The following FRMD3 variants were observed in gnomAD, a reference collection of about 807,000 sequenced individuals.
The protein encoded by FRMD3 is FERM domain-containing protein 3.
Under a neutral mutation model 70.2 loss-of-function variants are expected in FRMD3, and 33 were observed. The ratio of observed to expected loss-of-function variants is 0.47; its 90% CI spans 0.36 to 0.63. The LOEUF (loss-of-function observed/expected upper bound fraction) is 0.63, where lower values mean the gene tolerates loss of function less well. Among genes scored for constraint, FRMD3 ranks in the 20% least tolerant of loss-of-function variants. The pLI is 0.00. For missense variants in FRMD3, 632 were observed against 711.4 expected, an observed-to-expected ratio of 0.89 and a Z score of 1.27; for synonymous variants, 279 against 255.9, an observed-to-expected ratio of 1.09 and a Z score of -0.86.
chr9:83,352,805 T>C (rs980142736), intron 3 of FRMD3, among the ~76,000 whole-genome samples: 1 of 152,192 alleles, frequency 6.6e-6, no homozygotes, highest in African/African-American at 2.4e-5. Context: ...TCGTCTCCTG[T>C]CAATGGTCTC....
In FRMD3 at chr9:83,401,192, A is replaced by C. The variant is rs147146998; in HGVS notation, c.148-11484T>G. Among the ~76,000 whole-genome samples, 5 of 152,332 alleles carry C rather than the reference A, an allele frequency of 3.3e-5. No individual in the cohort carries two copies. The East Asian group carries it at 9.6e-4, about 29-fold the overall frequency. On this transcript the variant is annotated intron_variant, in intron 1 of 13. Transcript: ENST00000304195. ...TCCCATTTTCAAGAAGAGGAAGATA[A>C]AACTTAGGGTGGCTGAATAACTTGA...
chr9:83,568,989 T>TACATACAC, the FRMD3 span, among the ~76,000 whole-genome samples: 1 of 145,766 alleles, frequency 6.9e-6, no homozygotes, highest in Non-Finnish European at 1.5e-5. Flanking sequence ...CATACATACA[T>TACATACAC]ACATAGAGGT....
rs570202062 is a variant in FRMD3, at chr9:83,287,989, T to C, written c.1195+2614A>G. The stretch of plus-strand genomic sequence containing the variant: ...GGTGTACAACTTGTATTTGTCACAA[T>C]TGTTGCATTAAGGAATGAATGAATT... On this transcript the variant is annotated intron_variant, in intron 13 of 13. Coordinates refer to ENST00000304195, the MANE Select transcript of FRMD3 (RefSeq NM_174938.6). 4.6e-5 allele frequency among the ~76,000 whole-genome samples: 7 copies of C among 152,356 alleles called. No individual in the cohort carries two copies. In the East Asian group the frequency reaches 9.6e-4, roughly 21 times the overall value.
At chr9:83,490,168 A>T (rs1353003828) in intron 1 of FRMD3, among the ~76,000 whole-genome samples, 1 of 152,200 alleles carries the variant, frequency 6.6e-6, no homozygotes, top group Non-Finnish European at 1.5e-5. Context: ...AAATCTGTCA[A>T]AAGCCCTAGA....
intron 13 of FRMD3, among the ~76,000 whole-genome samples, chr9:83,255,178 C>A (rs1832643410): frequency 6.6e-6 from 1 of 152,128 alleles, no homozygotes; most frequent in South Asian, 2.1e-4. Context: ...AAGGCTTATC[C>A]ACCACAGTCA....
chr9:83,452,637 GCA>G (rs1564084791), intron 1 of FRMD3, among the ~76,000 whole-genome samples: 7 of 150,764 alleles, frequency 4.6e-5, no homozygotes, highest in African/African-American at 1.7e-4. Flanking sequence ...GCCCACCACC[GCA>G]CCCAGCTAAT....
At chr9:83,395,463 TC>T (rs1463795311) in intron 1 of FRMD3, among the ~76,000 whole-genome samples, 1 of 151,996 alleles carries the variant, frequency 6.6e-6, no homozygotes, top group Non-Finnish European at 1.5e-5. Flanking sequence ...AGTAATTTTT[TC>T]TGATCCTCTC....
At chr9:83,398,409 A>G (rs1426428135) in intron 1 of FRMD3, among the ~76,000 whole-genome samples, 1 of 152,240 alleles carries the variant, frequency 6.6e-6, no homozygotes, top group Admixed American at 6.5e-5. Flanking sequence ...AAATGTAAAG[A>G]AAAACAAGAA....
chr9:83,514,879 G>A (rs1829420594), intron 1 of FRMD3, among the ~76,000 whole-genome samples: 1 of 152,190 alleles, frequency 6.6e-6, no homozygotes, highest in African/African-American at 2.4e-5. Flanking sequence ...AGGCATGACT[G>A]TTAGAAGGAA....
At chr9:83,350,623 C>CAAAAAAAAAAAAAAAAAAAAA (rs761012697) in intron 3 of FRMD3, 3 of 199,236 alleles carry the variant, frequency 1.5e-5, no homozygotes, top group African/African-American at 4.8e-5. Flanking sequence ...AACTCCATCT[C>CAAAAAAAAAAAAAAAAAAAAA]AAAAAAAAAA....
intron 1 of FRMD3, among the ~76,000 whole-genome samples, chr9:83,415,842 G>A (rs1197298944): frequency 6.6e-6 from 1 of 151,846 alleles, no homozygotes; most frequent in Non-Finnish European, 1.5e-5. Flanking sequence ...AAAGGTAGTG[G>A]TTCATTATCC....
At chr9:83,393,057 G>C (rs1360529226) in intron 1 of FRMD3, among the ~76,000 whole-genome samples, 3 of 152,196 alleles carry the variant, frequency 2.0e-5, no homozygotes, top group Non-Finnish European at 4.4e-5. Context: ...AAGATCAGTA[G>C]GATTTGATAA....
At chr9:83,467,543 T>C (rs1271935966) in intron 1 of FRMD3, 1 of 919,442 alleles carries the variant, frequency 1.1e-6, no homozygotes, top group African/African-American at 1.6e-5. Context: ...AAACATTGCA[T>C]AGTAACTCAT....
At chr9:83,441,875 A>G (rs1827307494) in intron 1 of FRMD3, among the ~76,000 whole-genome samples, 1 of 152,004 alleles carries the variant, frequency 6.6e-6, no homozygotes, top group Admixed American at 6.6e-5. Context: ...AAACTGCCAA[A>G]AAAAGGCCAG....
intron 2 of FRMD3, among the ~76,000 whole-genome samples, chr9:83,382,807 TG>T (rs1215819621): frequency 2.0e-5 from 3 of 152,288 alleles, no homozygotes; most frequent in African/African-American, 7.2e-5. Flanking sequence ...TTTGAAGTCA[TG>T]AAAGACTTCA....
chr9:83,337,997 T>A (rs556858593), intron 5 of FRMD3, among the ~76,000 whole-genome samples: 5 of 152,304 alleles, frequency 3.3e-5, no homozygotes, highest in African/African-American at 1.2e-4. Flanking sequence ...AAAGAACATA[T>A]CTTCACAATC....
chr9:83,255,226 A>C (rs1434603061), intron 13 of FRMD3, among the ~76,000 whole-genome samples: 1 of 152,218 alleles, frequency 6.6e-6, no homozygotes, highest in African/African-American at 2.4e-5. Flanking sequence ...TTGGTTCAAC[A>C]TACACAAATC....
chr9:83,553,285 T>G, the FRMD3 span, among the ~76,000 whole-genome samples: 2 of 152,234 alleles, frequency 1.3e-5, no homozygotes, highest in Admixed American at 1.3e-4. Flanking sequence ...TCTTTAAGAA[T>G]GTTGAATATA....
chr9:83,275,065 G>A (rs1833750956), intron 13 of FRMD3, among the ~76,000 whole-genome samples: 1 of 152,190 alleles, frequency 6.6e-6, no homozygotes, highest in Non-Finnish European at 1.5e-5. Context: ...AAGAAGTCAT[G>A]AGTGGAGTTG....
Sources: gnomAD v4.1 joint callset for allele counts (sites outside exome capture counted in the v4.1 genomes callset) on GRCh38, gnomAD v4.1.1 for gene constraint, MANE v1.5 for transcripts, NCBI Gene and HGNC (gene_info 2026-07-23, HGNC 2026-07-21) for gene names.